Variants in SAMM50 observed in about 807,000 individuals in gnomAD.
The protein encoded by SAMM50 is sorting and assembly machinery component 50 homolog.
SAMM50 carries 47 observed loss-of-function variants against 66.9 expected under a neutral mutation model. The ratio of observed to expected loss-of-function variants is 0.70; its 90% CI spans 0.56 to 0.90. The LOEUF (loss-of-function observed/expected upper bound fraction) is 0.90, where lower values mean the gene tolerates loss of function less well. Among genes scored for constraint, SAMM50 ranks in the 40% least tolerant of loss-of-function variants. SAMM50 has a pLI of 0.00. For synonymous variants in SAMM50, 191 were observed against 214.1 expected, an observed-to-expected ratio of 0.89 and a Z score of 0.94; for missense variants, 535 against 595.3, an observed-to-expected ratio of 0.90 and a Z score of 1.05.
chr22:43,994,655 C>T (rs1424771241), intron 14 of SAMM50, among the ~76,000 whole-genome samples: 4 of 152,166 alleles, frequency 2.6e-5, no homozygotes, highest in African/African-American at 9.7e-5. Context: ...AGGAGCCCTG[C>T]ACCAAGACAG....
intron 3 of SAMM50, 23 bp downstream of exon 3, chr22:43,964,576 G>A: frequency 7.8e-7 from 1 of 1,279,912 alleles, no homozygotes. Flanking sequence ...TCTACATGGT[G>A]TGCTTTCCCA....
At chr22:43,975,860 C>A in intron 7 of SAMM50, 195 bp from the exon 8 acceptor site, 1 of 580,628 alleles carries the variant, frequency 1.7e-6, no homozygotes, top group Non-Finnish European at 3.0e-6. Context: ...CAGCTTTCCC[C>A]CTTTCTTCCT....
intron 1 of SAMM50, among the ~76,000 whole-genome samples, chr22:43,958,432 G>A (rs527832817): frequency 6.6e-6 from 1 of 151,416 alleles, no homozygotes; most frequent in Non-Finnish European, 1.5e-5. Flanking sequence ...CACTGTGATA[G>A]GTGCCAGGGA....
At chr22:43,974,216 A>G (rs2050219448) in intron 7 of SAMM50, among the ~76,000 whole-genome samples, 1 of 152,110 alleles carries the variant, frequency 6.6e-6, no homozygotes, top group African/African-American at 2.4e-5. Flanking sequence ...TTGAGCTGCC[A>G]AGTCCGACTC....
At chr22:43,995,997 G>A (rs1341747477) in intron 14 of SAMM50, among the ~76,000 whole-genome samples, 1 of 152,116 alleles carries the variant, frequency 6.6e-6, no homozygotes, top group Non-Finnish European at 1.5e-5. Flanking sequence ...TTGTCCTTCC[G>A]GCTCCTTCCC....
intron 3 of SAMM50, 23 bp from the exon 4 acceptor site, chr22:43,968,708 G>GTT: frequency 6.6e-7 from 1 of 1,526,098 alleles, no homozygotes; most frequent in South Asian, 1.1e-5. Flanking sequence ...TATATTCCTT[G>GTT]TTTTTCTTCC....
intron 2 of SAMM50, 127 bp from the exon 3 acceptor site, chr22:43,964,325 A>G (rs1250173349): frequency 8.7e-6 from 5 of 578,022 alleles, no homozygotes; most frequent in Non-Finnish European, 1.6e-5. Flanking sequence ...GTCCAGAGGT[A>G]AGAAGTGTGG....
At position 43,976,099 on chromosome 22, in the gene SAMM50, A is replaced by G. The variant is rs760387031; in HGVS notation, c.693A>G (p.Val231=). The G allele has an allele frequency of 1.9e-6, 3 of 1,613,094 alleles. No individual in the cohort carries two copies. The highest frequency in any genetic ancestry group is 1.1e-5 in the South Asian group (1 of 91,060). ...GCCACACTGTCAAGTGGGAAGGCGT[A>G]TGGCGAGAACTGGGCTGCCTCTCAA... The part of the protein sequence containing the change: ...KTSHTVKWEG[V]WRELGCLSRT... Residue 231 remains valine (V), a synonymous_variant, in exon 8 of 15, where the codon GTA becomes GTG. Coordinates refer to ENST00000350028, the MANE Select transcript of SAMM50 (RefSeq NM_015380.5).
chr22:43,976,232 G>A (rs756200153), intron 8 of SAMM50, 49 bp downstream of exon 8: 1 of 1,573,166 alleles, frequency 6.4e-7, no homozygotes, highest in African/African-American at 1.4e-5. Flanking sequence ...ATGGAACCAT[G>A]CTATGCATTG....
chr22:43,993,187 G>A (rs537111793), intron 14 of SAMM50, among the ~76,000 whole-genome samples: 2 of 152,306 alleles, frequency 1.3e-5, no homozygotes, highest in African/African-American at 2.4e-5. Flanking sequence ...CTGCAGGCCC[G>A]GGGCTGGAGG....
At chr22:43,964,702 T>G in intron 3 of SAMM50, 149 bp downstream of exon 3, 1 of 548,438 alleles carries the variant, frequency 1.8e-6, no homozygotes. Flanking sequence ...ACCCCCAAGC[T>G]GAACCCCCCG....
intron 7 of SAMM50, 127 bp downstream of exon 7, chr22:43,973,450 T>C: frequency 3.2e-6 from 2 of 617,928 alleles, no homozygotes; most frequent in Non-Finnish European, 6.0e-6. Flanking sequence ...ACCAGGTACC[T>C]CCTGGCCAGG....
intron 11 of SAMM50, 81 bp downstream of exon 11, chr22:43,981,542 A>G (rs1250938589): frequency 9.7e-7 from 1 of 1,029,098 alleles, no homozygotes; most frequent in East Asian, 2.5e-5. Flanking sequence ...GATATTTTAG[A>G]GAAGTTTATT....
At chr22:43,958,932 T>G (rs545873187) in intron 1 of SAMM50, among the ~76,000 whole-genome samples, 1 of 152,300 alleles carries the variant, frequency 6.6e-6, no homozygotes, top group African/African-American at 2.4e-5. Context: ...ATTTGCCATT[T>G]ACCACCTAGT....
At chr22:43,956,406 T>A (rs545364009) in intron 1 of SAMM50, among the ~76,000 whole-genome samples, 1 of 152,328 alleles carries the variant, frequency 6.6e-6, no homozygotes, top group East Asian at 1.9e-4. Flanking sequence ...TCCAAAAAAA[T>A]TTAGCACAGA....
At chr22:43,989,434 T>A (rs2050311483) in intron 13 of SAMM50, among the ~76,000 whole-genome samples, 177 bp downstream of exon 13, 1 of 151,292 alleles carries the variant, frequency 6.6e-6, no homozygotes, top group Non-Finnish European at 1.5e-5. Flanking sequence ...CCTTCTGGGT[T>A]CAAGTGACTC....
chr22:43,964,315 G>A (rs1216531111), intron 2 of SAMM50, 137 bp from the exon 3 acceptor site: 1 of 542,008 alleles, frequency 1.8e-6, no homozygotes, highest in Non-Finnish European at 3.4e-6. Flanking sequence ...AGATAGTAAA[G>A]TCCAGAGGTA....
In SAMM50 at chr22:43,968,819, G is replaced by T. The variant is rs1237263777; in HGVS notation, c.322+1G>T. The T allele has an allele frequency of 3.1e-6, 5 of 1,600,934 alleles. No homozygotes were observed. Among genetic ancestry groups the T allele is most frequent in the African/African-American group, 1.3e-5 (1 of 74,646 alleles). ...GATGTTTTGATTGACACATGTCAAGGTACATATTGTGGTGTAGTATCTTTA... is the reference window on the plus strand; with the variant it reads ...GATGTTTTGATTGACACATGTCAAGTTACATATTGTGGTGTAGTATCTTTA... On this transcript the variant is annotated splice_donor_variant, in intron 4 of 14. Coordinates refer to ENST00000350028, the MANE Select transcript of SAMM50 (RefSeq NM_015380.5). LOFTEE classifies it high-confidence loss of function.
chr22:43,991,809 G>A (rs1456752300), intron 14 of SAMM50, among the ~76,000 whole-genome samples: 1 of 152,314 alleles, frequency 6.6e-6, no homozygotes, highest in African/African-American at 2.4e-5. Flanking sequence ...ACTTGGAGGA[G>A]GAAGAGTGCA....
Sources: gnomAD v4.1 joint callset for allele counts (sites outside exome capture counted in the v4.1 genomes callset) on GRCh38, gnomAD v4.1.1 for gene constraint, MANE v1.5 for transcripts, NCBI Gene and HGNC (gene_info 2026-07-23, HGNC 2026-07-21) for gene names.